Variants in CTTNBP2 observed in about 807,000 individuals in gnomAD.
CTTNBP2 encodes the protein cortactin binding protein 2, also known as cortactin-binding protein 2.
In CTTNBP2, 108 loss-of-function variants were observed where a neutral mutation model predicts 156.9. That is an observed-to-expected ratio of 0.69 (90% CI 0.59 to 0.81). The LOEUF is 0.81. Among genes scored for constraint, CTTNBP2 ranks in the 30% least tolerant of loss-of-function variants. CTTNBP2 has a pLI of 0.00. For missense variants in CTTNBP2, 1,924 were observed against 2,035.4 expected, an observed-to-expected ratio of 0.95 and a Z score of 1.05; for synonymous variants, 767 against 751.8, an observed-to-expected ratio of 1.02 and a Z score of -0.33.
intron 22 of CTTNBP2, among the ~76,000 whole-genome samples, chr7:117,716,524 G>A (rs1046601992): frequency 5.9e-5 from 9 of 152,084 alleles, no homozygotes; most frequent in Admixed American, 3.9e-4. Context: ...AAATACAGGG[G>A]GAGTGAGTTG....
intron 2 of CTTNBP2, among the ~76,000 whole-genome samples, chr7:117,837,041 T>C (rs1190487162): frequency 6.6e-6 from 1 of 152,206 alleles, no homozygotes; most frequent in Non-Finnish European, 1.5e-5. Context: ...CCAGGGTCAG[T>C]GTTTTGCCTG....
chr7:117,764,051 C>T (rs1334502213), intron 9 of CTTNBP2, among the ~76,000 whole-genome samples: 1 of 152,084 alleles, frequency 6.6e-6, no homozygotes, highest in Non-Finnish European at 1.5e-5. Flanking sequence ...TGAACCATGA[C>T]CCTGTTCTCC....
intron 8 of CTTNBP2, 25 bp downstream of exon 8, chr7:117,777,486 T>G: frequency 6.3e-7 from 1 of 1,598,860 alleles, no homozygotes; most frequent in Non-Finnish European, 8.5e-7. Flanking sequence ...AGCTGCATGA[T>G]GAGGCCAGCT....
At chr7:117,748,995 A>G (rs1796484660) in intron 12 of CTTNBP2, among the ~76,000 whole-genome samples, 1 of 152,200 alleles carries the variant, frequency 6.6e-6, no homozygotes, top group Non-Finnish European at 1.5e-5. Context: ...CCAGACACTG[A>G]ATCTGCTGGC....
In CTTNBP2 at chr7:117,735,092, G is replaced by A. The variant is rs755910571; in HGVS notation, c.3697C>T (p.Leu1233=). 1 of 1,610,932 alleles carries A rather than the reference G, an allele frequency of 6.2e-7. No homozygotes were observed. The highest frequency in any genetic ancestry group is 8.5e-7 in the Non-Finnish European group (1 of 1,178,012). The part of the protein sequence containing the change: ...SPCTFQKGNG[L]SECYYFHENC... ...TCATGAAAGTAATAACATTCGGACA[G>A]TCCATTTCCTGAAACAAACCAAAAA... is the stretch of plus-strand genomic sequence containing the variant. Residue 1233 remains leucine (L), a synonymous_variant, in exon 16 of 23, where the codon CTG becomes TTG. Coordinates refer to ENST00000160373, the MANE Select transcript of CTTNBP2 (RefSeq NM_033427.3).
chr7:117,725,080 T>G lies in CTTNBP2; in HGVS notation c.4233A>C (p.Val1411=), dbSNP rs373968912. The change falls in exon 18 of 23, where the codon GTA becomes GTC. Residue 1411 remains valine, a synonymous_variant. Coordinates refer to ENST00000160373, the MANE Select transcript of CTTNBP2 (RefSeq NM_033427.3). ...CTCTGGGGAGGGGACAGCCATGCAG[T>G]ACAGCTTTATTTAGCAAGATGCTGA... ...AALSILLNKA[V]LHGCPLPRAE... 6.2e-7 allele frequency: 1 copy of G among 1,612,568 alleles called. No individual in the cohort carries two copies. Among genetic ancestry groups the G allele is most frequent in the African/African-American group, 1.3e-5 (1 of 74,914 alleles).
At chr7:117,825,271 A>T (rs1298942146) in intron 2 of CTTNBP2, among the ~76,000 whole-genome samples, 1 of 152,186 alleles carries the variant, frequency 6.6e-6, no homozygotes, top group Non-Finnish European at 1.5e-5. Context: ...TACAAGGAAA[A>T]GTCTCTCATC....
chr7:117,823,624 A>G (rs929891344), intron 2 of CTTNBP2, among the ~76,000 whole-genome samples: 4 of 152,204 alleles, frequency 2.6e-5, no homozygotes, highest in African/African-American at 9.6e-5. Context: ...TGGCAAGTCC[A>G]CTTGATTCTC....
At position 117,735,063 on chromosome 7, in the gene CTTNBP2, G is replaced by T. The variant is rs766782453; in HGVS notation, c.3726C>A (p.Asn1242Lys). The T allele has an allele frequency of 6.2e-7, 1 of 1,614,096 alleles. No homozygotes were observed. The change falls in exon 16 of 23, where the codon AAC becomes AAA. Residue 1242 changes from asparagine (N) to lysine (K), a missense_variant. By Grantham distance (94) the Asn-to-Lys change is moderately conservative. Coordinates refer to ENST00000160373, the MANE Select transcript of CTTNBP2 (RefSeq NM_033427.3). The stretch of plus-strand genomic sequence containing the variant: ...TGGCGATGGTTCCCATCAGAAAGCA[G>T]TTCTCATGAAAGTAATAACATTCGG... ...GLSECYYFHE[N>K]CFLMGTIAKA... is the part of the protein sequence containing the mutation.
At chr7:117,718,258 C>T in intron 21 of CTTNBP2, 139 bp from the exon 22 acceptor site, 1 of 467,352 alleles carries the variant, frequency 2.1e-6, no homozygotes, top group Non-Finnish European at 3.8e-6. Context: ...GAACTGTTCA[C>T]ATGAAAGAAA....
chr7:117,733,671 G>A (rs924570201), intron 16 of CTTNBP2, among the ~76,000 whole-genome samples: 2 of 152,086 alleles, frequency 1.3e-5, no homozygotes, highest in Non-Finnish European at 1.5e-5. Context: ...ATAACATGGG[G>A]TAGATTTCCC....
intron 12 of CTTNBP2, among the ~76,000 whole-genome samples, chr7:117,749,848 A>G (rs1011967032): frequency 6.6e-6 from 1 of 152,118 alleles, no homozygotes; most frequent in Non-Finnish European, 1.5e-5. Flanking sequence ...ATTCTTGCCA[A>G]AGAGAGATTT....
At chr7:117,722,469 G>GTCAAAGAAGTTCATGCT (rs1794854746) in intron 19 of CTTNBP2, among the ~76,000 whole-genome samples, 1 of 151,990 alleles carries the variant, frequency 6.6e-6, no homozygotes, top group South Asian at 2.1e-4. Context: ...GTTTTATTCT[G>GTCAAAGAAGTTCATGCT]TCAAAGAAGT....
chr7:117,797,716 A>C (rs756936671), intron 3 of CTTNBP2, among the ~76,000 whole-genome samples: 2 of 151,498 alleles, frequency 1.3e-5, no homozygotes, highest in African/African-American at 2.4e-5. Flanking sequence ...GAAAAATAAT[A>C]ATTAATTTGA....
intron 2 of CTTNBP2, among the ~76,000 whole-genome samples, chr7:117,838,481 A>G (rs985912233): frequency 2.0e-5 from 3 of 152,216 alleles, no homozygotes; most frequent in Non-Finnish European, 4.4e-5. Context: ...TTTAGACACT[A>G]TTTGTTACTA....
In CTTNBP2 at chr7:117,792,029, G is replaced by C. The variant is rs767906023; in HGVS notation, c.1167C>G (p.Gly389=). ...NKIEENGPST[G]STPDPTSSTP... is the part of the protein sequence containing the mutation. ...TGCTACTGGTTGGATCTGGTGTTGA[G>C]CCAGTGCTTGGTCCATTTTCCTCAA... is the stretch of plus-strand genomic sequence containing the variant. The change falls in exon 4 of 23, where the codon GGC becomes GGG. Residue 389 remains glycine (G), a synonymous_variant. Transcript: ENST00000160373. This position sits in a 1 kb window ranked among gnomAD's most constrained non-coding sequence, Gnocchi z 4.2. 6.2e-7 allele frequency: 1 copy of C among 1,614,148 alleles called. No homozygotes were observed. The highest frequency in any genetic ancestry group is 8.5e-7 in the Non-Finnish European group (1 of 1,180,036).
chr7:117,856,370 G>A (rs1339376801), intron 2 of CTTNBP2, among the ~76,000 whole-genome samples: 1 of 152,202 alleles, frequency 6.6e-6, no homozygotes, highest in Non-Finnish European at 1.5e-5. Context: ...AACATGGGTT[G>A]TTGAATGACC....
intron 8 of CTTNBP2, among the ~76,000 whole-genome samples, chr7:117,776,145 T>C (rs1233201224): frequency 1.3e-5 from 2 of 152,170 alleles, no homozygotes; most frequent in African/African-American, 4.8e-5. Context: ...CAAAATGATG[T>C]CTTTTCCTTG....
chr7:117,786,479 T>C (rs1798709265), intron 4 of CTTNBP2: 3 of 414,138 alleles, frequency 7.2e-6, no homozygotes, highest in South Asian at 5.4e-5. Flanking sequence ...AAATCAGTAC[T>C]TATTAGAAAT....
Sources: gnomAD v4.1 joint callset for allele counts (sites outside exome capture counted in the v4.1 genomes callset) on GRCh38, gnomAD v4.1.1 for gene constraint, Gnocchi (gnomAD v3.1) non-coding constraint, MANE v1.5 for transcripts, NCBI Gene and HGNC (gene_info 2026-07-23, HGNC 2026-07-21) for gene names.